INVS: variants seen among roughly 807,000 people sequenced by gnomAD.
INVS encodes inversion of embryo turning homolog.
INVS carries 86 observed loss-of-function variants against 108.8 expected under a neutral mutation model. The ratio of observed to expected loss-of-function variants is 0.79; its 90% confidence interval spans 0.66 to 0.95. The LOEUF (loss-of-function observed/expected upper bound fraction) is 0.95, where lower values mean the gene tolerates loss of function less well. Among genes scored for constraint, INVS ranks in the 40% least tolerant of loss-of-function variants. The pLI, the probability that INVS is intolerant of heterozygous loss-of-function variation, is 0.00. For synonymous variants in INVS, 455 were observed against 473.5 expected, an observed-to-expected ratio of 0.96 and a Z score of 0.51; for missense variants, 1,169 against 1,297.4, an observed-to-expected ratio of 0.90 and a Z score of 1.52.
chr9:100,204,498 G>A (rs1005620074), intron 3 of INVS, among the ~76,000 whole-genome samples: 3 of 152,062 alleles, frequency 2.0e-5, no homozygotes, highest in African/African-American at 7.2e-5. Flanking sequence ...AGAGCACTCT[G>A]GGTTTTGAAA....
chr9:100,201,059 C>T (rs1263945333), intron 3 of INVS, among the ~76,000 whole-genome samples: 1 of 152,208 alleles, frequency 6.6e-6, no homozygotes, highest in Non-Finnish European at 1.5e-5. Flanking sequence ...CACATAGATT[C>T]AGCTGTTAAA....
intron 3 of INVS, among the ~76,000 whole-genome samples, chr9:100,157,508 C>T (rs552119223): frequency 1.4e-4 from 21 of 152,018 alleles, no homozygotes; most frequent in African/African-American, 2.4e-4. Flanking sequence ...CCTCGTGATC[C>T]GCCCGCCTCG....
intron 16 of INVS, among the ~76,000 whole-genome samples, chr9:100,298,540 G>GGTGATAA (rs1202293016): frequency 6.6e-6 from 1 of 151,956 alleles, no homozygotes; most frequent in Non-Finnish European, 1.5e-5. Context: ...ATTAAATATG[G>GGTGATAA]GTGATAAGTT....
chr9:100,165,375 A>G (rs1314552197), intron 3 of INVS, among the ~76,000 whole-genome samples: 2 of 152,120 alleles, frequency 1.3e-5, no homozygotes, highest in African/African-American at 2.4e-5. Context: ...CCTAGAGCCC[A>G]TTGTTCATTA....
At chr9:100,288,483 G>A (rs1009796941) in intron 13 of INVS, among the ~76,000 whole-genome samples, 17 of 152,090 alleles carry the variant, frequency 1.1e-4, no homozygotes, top group African/African-American at 3.6e-4. Flanking sequence ...TTTCAAACAA[G>A]CTTTGCTCTA....
At chr9:100,150,750 G>A (rs894301001) in intron 3 of INVS, among the ~76,000 whole-genome samples, 3 of 152,094 alleles carry the variant, frequency 2.0e-5, no homozygotes, top group Admixed American at 6.6e-5. Context: ...TTCCTATAGT[G>A]TGAATATTGT....
intron 2 of INVS, chr9:100,117,336 C>T: frequency 1.4e-6 from 1 of 733,748 alleles, no homozygotes; most frequent in Non-Finnish European, 2.5e-6. Context: ...TTGAGAGAGG[C>T]CCCCAGGAAA....
At chr9:100,223,181 C>T (rs1053977393) in intron 3 of INVS, among the ~76,000 whole-genome samples, 12 of 151,720 alleles carry the variant, frequency 7.9e-5, no homozygotes, top group African/African-American at 2.4e-4. Flanking sequence ...CTGGAGCCTC[C>T]GCTTCCTGGG....
chr9:100,185,451 T>C (rs1830024768), intron 3 of INVS, among the ~76,000 whole-genome samples: 1 of 148,626 alleles, frequency 6.7e-6, no homozygotes. Flanking sequence ...TTCTTGAAGT[T>C]TTTATAAATA....
Position 100,226,215 on chromosome 9 carries a change from G to A in INVS, c.427G>A (p.Asp143Asn), listed in dbSNP as rs778677145. The change falls in exon 4 of 17, where the codon GAT becomes AAT. Residue 143 changes from aspartate (D) to asparagine (N), a missense_variant. By Grantham distance (23) the Asp-to-Asn change is conservative. Transcript: ENST00000262457. ...LLKFMAPGEVDTQDKNKQTAL... is the reference protein window; with the variant it reads ...LLKFMAPGEVNTQDKNKQTAL... Reference sequence around the variant, plus strand: ...GAAGTTTATGGCACCAGGAGAAGTGGATACACAGGATAAAAACAAGGTAAT... The same window carrying A: ...GAAGTTTATGGCACCAGGAGAAGTGAATACACAGGATAAAAACAAGGTAAT... 6 of 1,613,914 alleles carry A rather than the reference G, an allele frequency of 3.7e-6. No individual in the cohort carries two copies. Among genetic ancestry groups the A allele is most frequent in the Non-Finnish European group, 5.1e-6 (6 of 1,179,952 alleles).
intron 3 of INVS, among the ~76,000 whole-genome samples, chr9:100,168,341 T>A (rs2119031993): frequency 6.6e-6 from 1 of 152,302 alleles, no homozygotes; most frequent in Non-Finnish European, 1.5e-5. Context: ...AAGCTTGAGC[T>A]GGGAGGCTGC....
rs554520364 is a variant in INVS at position 100,234,558 on chromosome 9, C to T, written c.615+4731C>T. Among the ~76,000 whole-genome samples, 18 of 152,210 alleles carry T rather than the reference C, an allele frequency of 1.2e-4. No homozygotes were observed. The South Asian group carries it at 2.9e-3, about 25-fold the overall frequency. On this transcript the variant is annotated intron_variant, in intron 5 of 16. Coordinates refer to ENST00000262457, the MANE Select transcript of INVS (RefSeq NM_014425.5). ...TAGCTGTGTCCCGCAGATTCTGGTA[C>T]GTTGTGTCTTTGTTCTCATTGGTTT...
chr9:100,109,755 TC>T (rs1250707260), intron 2 of INVS, among the ~76,000 whole-genome samples: 1 of 152,236 alleles, frequency 6.6e-6, no homozygotes, highest in Non-Finnish European at 1.5e-5. Flanking sequence ...AACCTCTGCC[TC>T]CCTGGTTCAA....
chr9:100,216,993 T>C (rs756241199), intron 3 of INVS, among the ~76,000 whole-genome samples: 13 of 152,164 alleles, frequency 8.5e-5, no homozygotes, highest in Non-Finnish European at 1.2e-4. Context: ...TCTAGGGTTC[T>C]TGTCCTTACT....
chr9:100,130,900 G>A (rs1442131598), intron 3 of INVS: 2 of 152,092 alleles, frequency 1.3e-5, no homozygotes, highest in South Asian at 2.1e-4. Context: ...GATCTACCTT[G>A]TAATACATAA....
At chr9:100,194,564 C>G (rs1362871496) in intron 3 of INVS, among the ~76,000 whole-genome samples, 3 of 149,778 alleles carry the variant, frequency 2.0e-5, no homozygotes, top group African/African-American at 7.4e-5. Context: ...TCCTTCTTTT[C>G]TTTTTTTCAG....
intron 5 of INVS, among the ~76,000 whole-genome samples, chr9:100,233,316 A>G (rs1247135141): frequency 1.3e-5 from 2 of 152,194 alleles, no homozygotes; most frequent in African/African-American, 4.8e-5. Flanking sequence ...GTCATCTGCA[A>G]ACAGAGACAA....
intron 14 of INVS, 145 bp downstream of exon 14, chr9:100,293,188 C>A: frequency 1.4e-6 from 1 of 724,882 alleles, no homozygotes; most frequent in South Asian, 1.6e-5. Flanking sequence ...ATGAAATTCA[C>A]ACCAGATCCT....
At chr9:100,190,596 A>T (rs2118153587) in intron 3 of INVS, among the ~76,000 whole-genome samples, 1 of 152,286 alleles carries the variant, frequency 6.6e-6, no homozygotes. Context: ...ATCCGAAAAA[A>T]AACTTTTTTT....
Sources: allele counts gnomAD v4.1 joint callset (sites outside exome capture counted in the v4.1 genomes callset), GRCh38; gene constraint gnomAD v4.1.1; transcripts MANE v1.5; gene names NCBI Gene and HGNC (gene_info 2026-07-23, HGNC 2026-07-21).